The following ALDH2 variants were observed in gnomAD, a reference collection of about 807,000 sequenced individuals.
ALDH2 encodes the protein aldehyde dehydrogenase, mitochondrial.
In ALDH2, 44 loss-of-function variants were observed where a neutral mutation model predicts 59.6. That is an observed-to-expected ratio of 0.74 (90% CI 0.58 to 0.95). The LOEUF is 0.95. Among genes scored for constraint, ALDH2 ranks in the 40% least tolerant of loss-of-function variants. The pLI is 0.00. For missense variants in ALDH2, 570 were observed against 696.3 expected, an observed-to-expected ratio of 0.82 and a Z score of 2.04; for synonymous variants, 291 against 284.0, an observed-to-expected ratio of 1.02 and a Z score of -0.25.
In ALDH2 at chr12:111,817,471, C is replaced by G. The variant is rs1402733689; in HGVS notation, c.*7896C>G. The G allele has an allele frequency of 6.6e-6, 1 of 152,162 alleles. No homozygotes were observed. The highest frequency in any genetic ancestry group is 1.5e-5 in the Non-Finnish European group (1 of 68,034). 9.4% of individuals were successfully genotyped at this position (152,162 alleles called of 1,614,324 possible). On this transcript the variant is annotated 3_prime_UTR_variant, in exon 13 of 13. Coordinates refer to ENST00000261733, the MANE Select transcript of ALDH2 (RefSeq NM_000690.4). ...TTACAGGTCAATTGGATATTGTTTA[C>G]CTGGAGCTGGTCCTTCTTAGTTGCC...
intron 11 of ALDH2, among the ~76,000 whole-genome samples, chr12:111,802,411 CAA>C (rs58247934): frequency 0.12 from 10,474 of 86,410 alleles, 430 homozygotes; most frequent in Middle Eastern, 0.25. Flanking sequence ...GACTCTGTCT[CAA>C]AAAAAAAAAA....
At chr12:111,793,329 C>T (rs2068377414) in intron 9 of ALDH2, among the ~76,000 whole-genome samples, 1 of 152,056 alleles carries the variant, frequency 6.6e-6, no homozygotes, top group East Asian at 1.9e-4. Flanking sequence ...AAGGAGTCCT[C>T]CTGCTTTGGC....
chr12:111,779,572 C>T (rs141641065), intron 1 of ALDH2, among the ~76,000 whole-genome samples: 83 of 152,294 alleles, frequency 5.4e-4, no homozygotes, highest in African/African-American at 1.9e-3. Flanking sequence ...CTTGGCAGCT[C>T]GGTATTCTTT....
chr12:111,798,736 G>T (rs991877418), intron 10 of ALDH2, among the ~76,000 whole-genome samples: 2 of 152,012 alleles, frequency 1.3e-5, no homozygotes, highest in African/African-American at 4.8e-5. Context: ...GCTGGGTGCA[G>T]TTGCTCACGC....
At chr12:111,773,262 C>T (rs996688888) in intron 1 of ALDH2, among the ~76,000 whole-genome samples, 2 of 152,082 alleles carry the variant, frequency 1.3e-5, no homozygotes, top group Admixed American at 6.5e-5. Context: ...CCACCGTGGC[C>T]GGCCCGTGTT....
At chr12:111,787,126 A>T (rs1295469257) in intron 4 of ALDH2, among the ~76,000 whole-genome samples, 1 of 152,058 alleles carries the variant, frequency 6.6e-6, no homozygotes. Context: ...GAATCACTTG[A>T]ACCCAGGAGG....
chr12:111,809,925 G>A lies in ALDH2; in HGVS notation c.*350G>A, dbSNP rs959969829. 2 of 348,268 alleles carry A rather than the reference G, an allele frequency of 5.7e-6. No individual in the cohort carries two copies. The highest frequency in any genetic ancestry group is 7.2e-5 in the South Asian group (2 of 27,848). 21.6% of individuals were successfully genotyped at this position (348,268 alleles called of 1,614,324 possible). ...CAATTATATCACCATTAAGGCAACT[G>A]CTACACCCTGCTTTGTATTCTGGGC... On this transcript the variant is annotated 3_prime_UTR_variant, in exon 13 of 13. Transcript: ENST00000261733.
chr12:111,792,510 G>A (rs1393678380), intron 8 of ALDH2, 88 bp from the exon 9 acceptor site: 1 of 1,426,806 alleles, frequency 7.0e-7, no homozygotes, highest in African/African-American at 1.4e-5. Context: ...TTACAGTGGT[G>A]GGAACAGGCT....
At chr12:111,802,724 CA>C (rs1566195045) in intron 11 of ALDH2, among the ~76,000 whole-genome samples, 1 of 140,146 alleles carries the variant, frequency 7.1e-6, no homozygotes, top group African/African-American at 2.7e-5. Context: ...ACTAAAAATA[CA>C]AAAATTTAGC....
At chr12:111,794,567 T>C (rs992333222) in intron 9 of ALDH2, among the ~76,000 whole-genome samples, 1 of 151,980 alleles carries the variant, frequency 6.6e-6, no homozygotes, top group African/African-American at 2.4e-5. Context: ...AATGCAGTGG[T>C]GTGATCATGG....
intron 11 of ALDH2, among the ~76,000 whole-genome samples, chr12:111,801,695 A>G (rs919751676): frequency 8.6e-5 from 12 of 139,126 alleles, no homozygotes; most frequent in Admixed American, 6.3e-4. Flanking sequence ...TGAGACTCCA[A>G]AAAAAAAAAA....
At chr12:111,793,909 A>G (rs975119833) in intron 9 of ALDH2, among the ~76,000 whole-genome samples, 1 of 151,660 alleles carries the variant, frequency 6.6e-6, no homozygotes. Context: ...AATGTGTATG[A>G]TACCATCATT....
chr12:111,800,004 C>T lies in ALDH2; in HGVS notation c.1347C>T (p.Phe449=). Reference sequence around the variant, plus strand: ...CGTACGGGCTGGCCGCAGCTGTCTTCACAAAGGATTTGGACAAGGCCAATT... The same window carrying T: ...CGTACGGGCTGGCCGCAGCTGTCTTTACAAAGGATTTGGACAAGGCCAATT... The part of the protein sequence containing the change: ...NSTYGLAAAV[F]TKDLDKANYL... Residue 449 remains phenylalanine, a synonymous_variant, in exon 11 of 13, where the codon TTC becomes TTT. Transcript: ENST00000261733. 1 of 1,613,912 alleles carries T rather than the reference C, an allele frequency of 6.2e-7. No individual in the cohort carries two copies. The highest frequency in any genetic ancestry group is 8.5e-7 in the Non-Finnish European group (1 of 1,179,976).
At position 111,791,376 on chromosome 12, in the gene ALDH2, C is replaced by T. The variant is rs1183910112; in HGVS notation, c.752C>T (p.Ser251Phe). 2 of 1,614,114 alleles carry T rather than the reference C, an allele frequency of 1.2e-6. No homozygotes were observed. The highest frequency in any genetic ancestry group is 2.2e-5 in the East Asian group (1 of 44,874). ...FGPTAGAAIA[S>F]HEDVDKVAFT... is the part of the protein sequence containing the mutation. The stretch of plus-strand genomic sequence containing the variant: ...CCCACGGCTGGGGCCGCCATTGCCT[C>T]CCATGAGGATGTGGACAAAGTGGCA... Residue 251 changes from serine (S) to phenylalanine (F), a missense_variant, in exon 7 of 13, where the codon TCC (serine) becomes TTC (phenylalanine). Physicochemically the swap from Ser to Phe is radical, Grantham distance 155. Transcript: ENST00000261733.
intron 1 of ALDH2, among the ~76,000 whole-genome samples, chr12:111,778,851 C>T (rs2068251930): frequency 6.6e-6 from 1 of 151,048 alleles, no homozygotes; most frequent in South Asian, 2.1e-4. Context: ...AAAAAAAGCC[C>T]ATATTCGTCC....
Position 111,813,493 on chromosome 12 carries a change from C to A in ALDH2, c.*3918C>A, listed in dbSNP as rs536126785. On this transcript the variant is annotated 3_prime_UTR_variant, in exon 13 of 13. Coordinates refer to ENST00000261733, the MANE Select transcript of ALDH2 (RefSeq NM_000690.4). ...GGAAAGAATTGAAAACAGAGACTCCCAACAAAAACTTGTACACGGACGTTC... is the reference window on the plus strand; with the variant it reads ...GGAAAGAATTGAAAACAGAGACTCCAAACAAAAACTTGTACACGGACGTTC... 2 of 152,312 alleles carry A rather than the reference C, an allele frequency of 1.3e-5. No homozygotes were observed. The highest frequency in any genetic ancestry group is 4.1e-4 in the South Asian group (2 of 4,820). 9.4% of individuals were successfully genotyped at this position (152,312 alleles called of 1,614,324 possible).
At chr12:111,791,005 C>T (rs1289751135) in intron 6 of ALDH2, among the ~76,000 whole-genome samples, 1 of 152,144 alleles carries the variant, frequency 6.6e-6, no homozygotes, top group Non-Finnish European at 1.5e-5. Flanking sequence ...GCTGTGATCA[C>T]ACCACTGCAC....
At chr12:111,796,390 A>G (rs1048843807) in intron 9 of ALDH2, among the ~76,000 whole-genome samples, 2 of 151,802 alleles carry the variant, frequency 1.3e-5, no homozygotes, top group Non-Finnish European at 2.9e-5. Context: ...ATGCGTGCCT[A>G]TACTCTCAGC....
At chr12:111,780,210 C>T (rs1289331067) in intron 1 of ALDH2, among the ~76,000 whole-genome samples, 3 of 152,124 alleles carry the variant, frequency 2.0e-5, no homozygotes, top group African/African-American at 4.8e-5. Context: ...TAATAGGTGA[C>T]TTTAGGTAAT....
Sources: gnomAD v4.1 joint callset for allele counts (sites outside exome capture counted in the v4.1 genomes callset) on GRCh38, gnomAD v4.1.1 for gene constraint, MANE v1.5 for transcripts, NCBI Gene and HGNC (gene_info 2026-07-23, HGNC 2026-07-21) for gene names.